The following RP1L1 variants were observed in gnomAD, a reference collection of about 807,000 sequenced individuals.
RP1L1 encodes retinitis pigmentosa 1-like 1 protein.
Under a neutral mutation model 15.7 loss-of-function variants are expected in RP1L1, and 27 were observed. The ratio of observed to expected loss-of-function variants is 1.72; its 90% CI spans 1.27 to 2.38. The LOEUF (loss-of-function observed/expected upper bound fraction) is 2.38. Among genes scored for constraint, RP1L1 ranks in the 30% most tolerant of loss-of-function variants. RP1L1 has a pLI of 0.00. For missense variants in RP1L1, 4,798 were observed against 3,075.9 expected (o/e 1.56, Z -13.24); for synonymous variants, 1,813 against 1,276.7 (o/e 1.42, Z -8.96).
In RP1L1 at chr8:10,616,495, C is replaced by G; in HGVS notation, c.702G>C (p.Arg234Ser). ...AFRTPAMKNA[R>S]RSEAETLSGL... is the part of the protein sequence containing the mutation. ...CAGATAAAGTTTCAGCCTCGCTTCT[C>G]CTGGCATTTTTCATGGCTGGGGTTC... The change falls in exon 3 of 4, where the codon AGG (arginine) becomes AGC (serine). Residue 234 changes from arginine to serine, a missense_variant. Arg to Ser is a moderately radical substitution (Grantham distance 110, BLOSUM62 -1). Coordinates refer to ENST00000382483, the MANE Select transcript of RP1L1 (RefSeq NM_178857.6). 2 of 1,614,228 alleles carry G rather than the reference C, an allele frequency of 1.2e-6. No homozygotes were observed. Among genetic ancestry groups the G allele is most frequent in the East Asian group, 4.5e-5 (2 of 44,878 alleles).
chr8:10,642,861 A>G (rs1192176120), intron 1 of RP1L1, among the ~76,000 whole-genome samples: 1 of 152,228 alleles, frequency 6.6e-6, no homozygotes, highest in Non-Finnish European at 1.5e-5. Flanking sequence ...ATGATTAGGA[A>G]GTTGAAAGAG....
At chr8:10,626,263 G>T (rs1182143780) in intron 1 of RP1L1, among the ~76,000 whole-genome samples, 1 of 152,108 alleles carries the variant, frequency 6.6e-6, no homozygotes, top group African/African-American at 2.4e-5. Context: ...GCTGGGCTTT[G>T]CAGGAGAGAA....
In RP1L1 at chr8:10,610,855, G is replaced by A. The variant is rs763272852; in HGVS notation, c.3243C>T (p.Ala1081=). ...TCAGCGCCCTCATGATCTGCGTGGA[G>A]GCAGACACCCGGCCAGGAAGTGCCC... is the stretch of plus-strand genomic sequence containing the variant. ...SLRALPGRVS[A]STQIMRALMG... Residue 1081 remains alanine, a synonymous_variant, in exon 4 of 4, where the codon GCC becomes GCT. Transcript: ENST00000382483. 1.2e-6 allele frequency: 2 copies of A among 1,608,368 alleles called. No individual in the cohort carries two copies. The highest frequency in any genetic ancestry group is 1.7e-5 in the Admixed American group (1 of 59,800).
intron 1 of RP1L1, among the ~76,000 whole-genome samples, chr8:10,652,694 G>C (rs1005644650): frequency 1.1e-4 from 16 of 151,740 alleles, no homozygotes; most frequent in African/African-American, 3.4e-4. Context: ...TTTCAAAGTA[G>C]CCCACATCTG....
rs764822664 is a variant in RP1L1, at chr8:10,609,772, G to T, written c.4326C>A (p.Cys1442Ter). ...AGRASASAEP[C>*]PAEGTEEPTE... ...TGGGTTCCTCTGTGCCCTCTGCGGG[G>T]CACGGCTCTGCAGAGGCAGAGGCTC... The change falls in exon 4 of 4, where the codon TGC becomes TGA. Residue 1442 changes from cysteine to a stop codon, truncating the protein, a stop_gained. Coordinates refer to ENST00000382483, the MANE Select transcript of RP1L1 (RefSeq NM_178857.6). LOFTEE classifies it low-confidence loss of function (END_TRUNC). 1.2e-6 allele frequency: 2 copies of T among 1,613,562 alleles called. No individual in the cohort carries two copies. Among genetic ancestry groups the T allele is most frequent in the Admixed American group, 3.3e-5 (2 of 60,016 alleles).
intron 3 of RP1L1, among the ~76,000 whole-genome samples, chr8:10,614,276 G>C (rs1797928611): frequency 6.6e-6 from 1 of 152,148 alleles, no homozygotes; most frequent in Non-Finnish European, 1.5e-5. Flanking sequence ...GAAGGACCTG[G>C]GCGAACCATC....
intron 2 of RP1L1, among the ~76,000 whole-genome samples, chr8:10,617,515 T>C (rs532246522): frequency 4.0e-5 from 6 of 149,666 alleles, no homozygotes; most frequent in South Asian, 2.1e-4. Flanking sequence ...TAGAAGTTTG[T>C]TTTTGTTTTT....
intron 1 of RP1L1, among the ~76,000 whole-genome samples, chr8:10,649,891 G>A (rs986508349): frequency 1.3e-5 from 2 of 152,082 alleles, no homozygotes; most frequent in Non-Finnish European, 2.9e-5. Flanking sequence ...CCCTTCAGCC[G>A]CCCCTGCCCC....
chr8:10,611,370 T>A lies in RP1L1; in HGVS notation c.2728A>T (p.Arg910Ter). The change falls in exon 4 of 4, where the codon AGA becomes TGA. Residue 910 changes from arginine to a stop codon, truncating the protein, a stop_gained. Coordinates refer to ENST00000382483, the MANE Select transcript of RP1L1 (RefSeq NM_178857.6). LOFTEE classifies it low-confidence loss of function (END_TRUNC). ...SPGPNSGASR[R>*]SSASQGAGSR... ...CCCGCACCCTGGCTGGCACTGCTTC[T>A]CCTTGATGCCCCTGAATTGGGGCCT... The A allele has an allele frequency of 1.2e-6, 2 of 1,609,912 alleles. No homozygotes were observed. The highest frequency in any genetic ancestry group is 1.7e-6 in the Non-Finnish European group (2 of 1,179,216).
rs761018819 is a variant in RP1L1, at chr8:10,622,876, G to T, written c.326C>A (p.Pro109His). The T allele has an allele frequency of 1.9e-6, 3 of 1,612,940 alleles. No individual in the cohort carries two copies. The highest frequency in any genetic ancestry group is 2.5e-6 in the Non-Finnish European group (3 of 1,179,364). Reference sequence around the variant, plus strand: ...GCCTGGTCCACTGGGGGTCTTGGGGGGCTTCTTATCAGAGCAGAGGTAGCA... The same window carrying T: ...GCCTGGTCCACTGGGGGTCTTGGGGTGCTTCTTATCAGAGCAGAGGTAGCA... ...GGCYLCSDKK[P>H]PKTPSGPGRP... Residue 109 changes from proline (P) to histidine (H), a missense_variant, in exon 2 of 4, where the codon CCC (proline) becomes CAC (histidine). Pro to His is a moderately conservative substitution (Grantham distance 77). Transcript: ENST00000382483.
intron 1 of RP1L1, among the ~76,000 whole-genome samples, chr8:10,648,778 C>T (rs1321844694): frequency 6.6e-6 from 1 of 152,228 alleles, no homozygotes; most frequent in Admixed American, 6.5e-5. Flanking sequence ...GCTGGGAAAT[C>T]TCTTGGATTG....
At position 10,608,842 on chromosome 8, in the gene RP1L1, G is replaced by T; in HGVS notation, c.5256C>A (p.Leu1752=). ...EGEDGEGSQR[L]NRDKDPKLGE... ...CGAGTTTGGGATCTTTGTCTCTGTT[G>T]AGTCTCTGGCTCCCCTCGCCATCCT... The change falls in exon 4 of 4, where the codon CTC becomes CTA. Residue 1752 remains leucine, a synonymous_variant. Coordinates refer to ENST00000382483, the MANE Select transcript of RP1L1 (RefSeq NM_178857.6). The T allele has an allele frequency of 1.2e-6, 2 of 1,614,000 alleles. No individual in the cohort carries two copies. The highest frequency in any genetic ancestry group is 1.7e-6 in the Non-Finnish European group (2 of 1,180,024).
chr8:10,607,512 T>A lies in RP1L1; in HGVS notation c.6586A>T (p.Ile2196Leu). Reference sequence around the variant, plus strand: ...TCCCCTTCTGCCTCTGGGGCCTCTATACCTTCTGACTCTGGCTGGGCCTCC... The same window carrying A: ...TCCCCTTCTGCCTCTGGGGCCTCTAAACCTTCTGACTCTGGCTGGGCCTCC... ...EGEAQPESEG[I>L]EAPEAEGEAQ... The change falls in exon 4 of 4, where the codon ATA becomes TTA. Residue 2196 changes from isoleucine to leucine, a missense_variant. Physicochemically the swap from Ile to Leu is conservative, Grantham distance 5 (BLOSUM62 2). Transcript: ENST00000382483. The A allele has an allele frequency of 6.8e-7, 1 of 1,469,302 alleles. No homozygotes were observed. Among genetic ancestry groups the A allele is most frequent in the African/African-American group, 1.7e-5 (1 of 59,832 alleles). The allele number at this position is 1,469,302 out of a possible 1,614,324, so 91.0% of individuals were successfully genotyped here.
rs772844586 is a variant in RP1L1 at position 10,609,763 on chromosome 8, C to T, written c.4335G>A (p.Glu1445=). The change falls in exon 4 of 4, where the codon GAG becomes GAA. Residue 1445 remains glutamate, a synonymous_variant. Coordinates refer to ENST00000382483, the MANE Select transcript of RP1L1 (RefSeq NM_178857.6). ...GGGGCTCTGTGGGTTCCTCTGTGCC[C>T]TCTGCGGGGCACGGCTCTGCAGAGG... ...ASASAEPCPA[E]GTEEPTEPPS... 61 of 1,613,492 alleles carry T rather than the reference C, an allele frequency of 3.8e-5. No homozygotes were observed. In the South Asian group the frequency reaches 6.6e-4, roughly 17 times the overall value.
At chr8:10,645,428 T>C (rs1307385744) in intron 1 of RP1L1, among the ~76,000 whole-genome samples, 1 of 152,228 alleles carries the variant, frequency 6.6e-6, no homozygotes, top group Admixed American at 6.5e-5. Context: ...TTAATTTTAA[T>C]GACTCCCTTC....
At chr8:10,614,978 G>C (rs1797942324) in intron 3 of RP1L1, among the ~76,000 whole-genome samples, 2 of 151,842 alleles carry the variant, frequency 1.3e-5, no homozygotes, top group Non-Finnish European at 2.9e-5. Context: ...TGTGGCAAAA[G>C]GGTAGGGCTA....
At chr8:10,620,292 G>T (rs1353287675) in intron 2 of RP1L1, among the ~76,000 whole-genome samples, 1 of 152,156 alleles carries the variant, frequency 6.6e-6, no homozygotes, top group Non-Finnish European at 1.5e-5. Context: ...GGACCCAAGG[G>T]AGAATGTTCC....
chr8:10,616,037 T>C (rs556501485), intron 3 of RP1L1, among the ~76,000 whole-genome samples: 1 of 152,300 alleles, frequency 6.6e-6, no homozygotes, highest in African/African-American at 2.4e-5. Flanking sequence ...CCCAAGTAGC[T>C]GAAACTATAG....
In RP1L1 at chr8:10,611,522, C is replaced by G. The variant is rs911599220; in HGVS notation, c.2576G>C (p.Gly859Ala). Residue 859 changes from glycine to alanine, a missense_variant, in exon 4 of 4, where the codon GGG becomes GCG. By Grantham distance (60) the Gly-to-Ala change is moderately conservative. Transcript: ENST00000382483. The part of the protein sequence containing the change: ...CGRYCPTPPR[G>A]RPCPQRRSSS... ...AGAGCGCCTCTGGGGGCAGGGCCGC[C>G]CCCTGGGCGGGGTGGGACAGTACCT... 6.3e-7 allele frequency: 1 copy of G among 1,583,240 alleles called. No homozygotes were observed. Among genetic ancestry groups the G allele is most frequent in the East Asian group, 2.3e-5 (1 of 43,952 alleles).
Sources: allele counts gnomAD v4.1 joint callset (sites outside exome capture counted in the v4.1 genomes callset), GRCh38; gene constraint gnomAD v4.1.1; transcripts MANE v1.5; gene names NCBI Gene and HGNC (gene_info 2026-07-23, HGNC 2026-07-21).